RACK1: variants seen among roughly 807,000 people sequenced by gnomAD.
RACK1 encodes the protein receptor for activated C kinase 1.
A neutral mutation model predicts 42.2 loss-of-function variants in RACK1; 3 were observed. The observed-to-expected ratio is 0.07, with a 90% CI of 0.03 to 0.18. The LOEUF (loss-of-function observed/expected upper bound fraction) is 0.18, where lower values mean the gene tolerates loss of function less well. Among genes scored for constraint, RACK1 ranks in the 10% least tolerant of loss-of-function variants. The pLI, the probability that RACK1 is intolerant of heterozygous loss-of-function variation, is 1.00. For synonymous variants in RACK1, 181 were observed against 154.8 expected (o/e 1.17, Z -1.25); for missense variants, 146 against 403.2 (o/e 0.36, Z 5.46).
intron 7 of RACK1, 188 bp from the exon 8 acceptor site, chr5:181,237,230 C>A: frequency 8.8e-7 from 1 of 1,142,454 alleles, no homozygotes; most frequent in Non-Finnish European, 1.3e-6. Context: ...CCCACCTCAG[C>A]CTCCAGTAGG....
chr5:181,237,833 G>A (rs1009336369), intron 6 of RACK1, 114 bp from the exon 7 acceptor site: 15 of 708,570 alleles, frequency 2.1e-5, no homozygotes, highest in Non-Finnish European at 3.0e-5. Context: ...TGGGGTCCAT[G>A]TATCAATGCC....
chr5:181,237,798 G>C, intron 6 of RACK1, 79 bp from the exon 7 acceptor site: 2 of 866,092 alleles, frequency 2.3e-6, no homozygotes, highest in Non-Finnish European at 3.9e-6. Flanking sequence ...AGATTCTCAA[G>C]TTAAAAAGGG....
chr5:181,242,430 A>G (rs753211416), intron 1 of RACK1, 85 bp from the exon 2 acceptor site: 5 of 909,716 alleles, frequency 5.5e-6, no homozygotes, highest in Non-Finnish European at 1.7e-6. Context: ...TGTCAAGGTC[A>G]TGAGTGGGTT....
At position 181,237,004 on chromosome 5, in the gene RACK1, C is replaced by T. The variant is rs1221101913; in HGVS notation, c.927G>A (p.Val309=). 6.2e-7 allele frequency: 1 copy of T among 1,614,058 alleles called. No individual in the cohort carries two copies. The highest frequency in any genetic ancestry group is 1.1e-5 in the South Asian group (1 of 91,076). The part of the protein sequence containing the change: ...FAGYTDNLVR[V]WQVTIGTR ...AGCGTGTGCCAATGGTCACCTGCCA[C>T]ACTCGCACCAGGTTGTCCGTGTAGC... The change falls in exon 8 of 8, where the codon GTG becomes GTA. Residue 309 remains valine (V), a synonymous_variant. Coordinates refer to ENST00000512805, the MANE Select transcript of RACK1 (RefSeq NM_006098.5).
intron 5 of RACK1, chr5:181,238,828 AAAAC>A (rs869208099): frequency 1.7e-5 from 8 of 483,318 alleles, no homozygotes; most frequent in African/African-American, 1.3e-4. Context: ...AACAAACAAA[AAAAC>A]AACAAAAAAA....
chr5:181,240,007 T>C (rs891252148), intron 3 of RACK1, among the ~76,000 whole-genome samples: 7 of 152,096 alleles, frequency 4.6e-5, no homozygotes, highest in African/African-American at 1.7e-4. Context: ...ATTGTGCCAT[T>C]GCACTCCAGC....
Position 181,239,026 on chromosome 5 carries a change from G to A in RACK1, c.636+41C>T, listed in dbSNP as rs754611347. 4 of 1,279,998 alleles carry A rather than the reference G, an allele frequency of 3.1e-6. No homozygotes were observed. In the South Asian group the frequency reaches 3.5e-5, roughly 11 times the overall value. The allele number at this position is 1,279,998 out of a possible 1,614,324, so 79.3% of individuals were successfully genotyped here. Reference sequence around the variant, plus strand: ...GCTGGCTAAGTGCTCCTTCCATGACGCTGTCTTCCACTGAGTAGGAGACGC... The same window carrying A: ...GCTGGCTAAGTGCTCCTTCCATGACACTGTCTTCCACTGAGTAGGAGACGC... On this transcript the variant is annotated intron_variant, in intron 5 of 7. Coordinates refer to ENST00000512805, the MANE Select transcript of RACK1 (RefSeq NM_006098.5).
At chr5:181,238,013 G>C in intron 6 of RACK1, 86 bp downstream of exon 6, 1 of 1,413,534 alleles carries the variant, frequency 7.1e-7, no homozygotes, top group Non-Finnish European at 9.9e-7. Context: ...CTCCCAGGTG[G>C]GAGTCAGATG....
intron 5 of RACK1, chr5:181,238,835 CA>C (rs911013530): frequency 4.2e-5 from 21 of 500,272 alleles, no homozygotes; most frequent in East Asian, 7.5e-5. Context: ...AAAAAAACAA[CA>C]AAAAAAACCC....
chr5:181,243,002 C>G (rs1377827514), intron 1 of RACK1: 1 of 346,746 alleles, frequency 2.9e-6, no homozygotes, highest in Admixed American at 4.1e-5. Flanking sequence ...CCTCCTATGC[C>G]TACCTCTGAG....
chr5:181,239,115 G>A lies in RACK1; in HGVS notation c.588C>T (p.Asn196=). The change falls in exon 5 of 8, where the codon AAC becomes AAT. Residue 196 remains asparagine, a synonymous_variant. Coordinates refer to ENST00000512805, the MANE Select transcript of RACK1 (RefSeq NM_006098.5). ...TNHIGHTGYL[N]TVTVSPDGSL... ...ATCCATCTGGAGAGACAGTCACCGTGTTCAGATAGCCTGTGTGGCCAATGT... is the reference window on the plus strand; with the variant it reads ...ATCCATCTGGAGAGACAGTCACCGTATTCAGATAGCCTGTGTGGCCAATGT... 6.2e-7 allele frequency: 1 copy of A among 1,614,036 alleles called. No individual in the cohort carries two copies. Among genetic ancestry groups the A allele is most frequent in the South Asian group, 1.1e-5 (1 of 91,072 alleles).
rs1293793921 is a variant in RACK1, at chr5:181,243,863, T to C, written c.-63A>G. On this transcript the variant is annotated 5_prime_UTR_variant, in exon 1 of 8. Coordinates refer to ENST00000512805, the MANE Select transcript of RACK1 (RefSeq NM_006098.5). ...ATGGCACTGGATGGCTTAGAGAAACTAGCACCACAACCTCTCCTGCCGCCG... is the reference window on the plus strand; with the variant it reads ...ATGGCACTGGATGGCTTAGAGAAACCAGCACCACAACCTCTCCTGCCGCCG... 5.2e-6 allele frequency: 8 copies of C among 1,523,940 alleles called. No homozygotes were observed. The highest frequency in any genetic ancestry group is 3.7e-5 in the South Asian group (3 of 81,690). The allele number at this position is 1,523,940 out of a possible 1,614,324, so 94.4% of individuals were successfully genotyped here. A position where few individuals can be genotyped will look rare whatever the true frequency, so the allele number is the denominator to read the frequency against.
intron 1 of RACK1, 92 bp downstream of exon 1, chr5:181,243,600 G>A (rs1236265283): frequency 2.7e-6 from 4 of 1,481,048 alleles, no homozygotes; most frequent in South Asian, 1.3e-5. Flanking sequence ...GCGCGCCACC[G>A]GCCTGCCACA....
chr5:181,239,127 T>A lies in RACK1; in HGVS notation c.576A>T (p.Thr192=). ...AGACAGTCACCGTGTTCAGATAGCC[T>A]GTGTGGCCAATGTGGTTGGTCTTCA... ...CKLKTNHIGH[T]GYLNTVTVSP... is the part of the protein sequence containing the mutation. Residue 192 remains threonine, a synonymous_variant, in exon 5 of 8, where the codon ACA becomes ACT. Coordinates refer to ENST00000512805, the MANE Select transcript of RACK1 (RefSeq NM_006098.5). 1.9e-6 allele frequency: 3 copies of A among 1,614,018 alleles called. No individual in the cohort carries two copies. Among genetic ancestry groups the A allele is most frequent in the Non-Finnish European group, 8.5e-7 (1 of 1,179,934 alleles).
At position 181,236,940 on chromosome 5, in the gene RACK1, A is replaced by C. The variant is rs1014625686; in HGVS notation, c.*37T>G. Reference sequence around the variant, plus strand: ...AAAAAACCTAAAAGTCAGAAAAGCCAGTTTTTTTTTTATTTGTAAAGCTCT... The same window carrying C: ...AAAAAACCTAAAAGTCAGAAAAGCCCGTTTTTTTTTTATTTGTAAAGCTCT... On this transcript the variant is annotated 3_prime_UTR_variant, in exon 8 of 8. Coordinates refer to ENST00000512805, the MANE Select transcript of RACK1 (RefSeq NM_006098.5). The C allele has an allele frequency of 1.9e-6, 3 of 1,546,674 alleles. No individual in the cohort carries two copies. Among genetic ancestry groups the C allele is most frequent in the African/African-American group, 1.6e-5 (1 of 61,870 alleles).
intron 5 of RACK1, 168 bp downstream of exon 5, chr5:181,238,899 A>G: frequency 2.8e-6 from 2 of 701,972 alleles, no homozygotes; most frequent in Non-Finnish European, 2.6e-6. Context: ...CTTAACTGTC[A>G]TTTGCTGAAA....
In RACK1 at chr5:181,242,159, T is replaced by G; in HGVS notation, c.281+15A>C. Reference sequence around the variant, plus strand: ...TTCTTCCCAAGGCCCCAGAGCTAAGTGAGCAGCTACTTGCGTTGTGAGATC... The same window carrying G: ...TTCTTCCCAAGGCCCCAGAGCTAAGGGAGCAGCTACTTGCGTTGTGAGATC... On this transcript the variant is annotated intron_variant, in intron 2 of 7. Transcript: ENST00000512805. 6.2e-7 allele frequency: 1 copy of G among 1,606,112 alleles called. No homozygotes were observed. Among genetic ancestry groups the G allele is most frequent in the Non-Finnish European group, 8.5e-7 (1 of 1,175,912 alleles).
intron 2 of RACK1, 138 bp downstream of exon 2, chr5:181,242,036 A>G (rs1759365800): frequency 2.4e-6 from 2 of 843,476 alleles, no homozygotes; most frequent in Non-Finnish European, 4.0e-6. Context: ...GAGGGAGGCC[A>G]AACATCTTCT....
At chr5:181,239,349 T>A (rs540735589) in intron 4 of RACK1, 138 bp downstream of exon 4, 349 of 779,982 alleles carry the variant, frequency 4.5e-4, no homozygotes, top group Non-Finnish European at 4.9e-5. Flanking sequence ...TGTGCTGACT[T>A]ACAAGGGACA....
Sources: gnomAD v4.1 joint callset for allele counts (sites outside exome capture counted in the v4.1 genomes callset) on GRCh38, gnomAD v4.1.1 for gene constraint, MANE v1.5 for transcripts, NCBI Gene and HGNC (gene_info 2026-07-23, HGNC 2026-07-21) for gene names.